The following SNX29 variants were observed in gnomAD, a reference collection of about 807,000 sequenced individuals.
SNX29 encodes the protein sorting nexin-29.
In SNX29, 78 loss-of-function variants were observed where a neutral mutation model predicts 102.1. That is an observed-to-expected ratio of 0.76 (90% confidence interval 0.64 to 0.92). SNX29 has a LOEUF of 0.92. SNX29 is among the 40% of genes least tolerant of loss of function. The pLI is 0.00. For missense variants in SNX29, 1,280 were observed against 1,061.7 expected, an observed-to-expected ratio of 1.21 and a Z score of -2.86; for synonymous variants, 580 against 414.5, an observed-to-expected ratio of 1.40 and a Z score of -4.85.
chr16:12,197,428 G>A (rs950862260), intron 13 of SNX29, among the ~76,000 whole-genome samples: 6 of 152,056 alleles, frequency 3.9e-5, no homozygotes, highest in Admixed American at 2.0e-4. Context: ...AAAATTAGCC[G>A]GTCATGGTGG....
chr16:12,537,152 T>C (rs902203533), intron 20 of SNX29, among the ~76,000 whole-genome samples: 1 of 152,176 alleles, frequency 6.6e-6, no homozygotes, highest in African/African-American at 2.4e-5. Context: ...GCTGGGACTC[T>C]GGGATCTTGT....
At chr16:12,234,066 C>T (rs1326977083) in intron 14 of SNX29, among the ~76,000 whole-genome samples, 1 of 152,180 alleles carries the variant, frequency 6.6e-6, no homozygotes, top group African/African-American at 2.4e-5. Flanking sequence ...TGAACATTCA[C>T]GTACAAGTTG....
intron 13 of SNX29, among the ~76,000 whole-genome samples, chr16:12,149,025 G>T (rs545203793): frequency 6.6e-6 from 1 of 152,134 alleles, no homozygotes; most frequent in African/African-American, 2.4e-5. Context: ...TTAGTTCACC[G>T]ATAGATCTAT....
At chr16:12,264,706 C>T (rs540303924) in intron 14 of SNX29, among the ~76,000 whole-genome samples, 10 of 151,212 alleles carry the variant, frequency 6.6e-5, no homozygotes, top group African/African-American at 1.9e-4. Flanking sequence ...CTCTTGAACC[C>T]GGGAGGCATA....
chr16:12,345,400 G>C (rs531613480), intron 15 of SNX29, among the ~76,000 whole-genome samples: 2 of 152,204 alleles, frequency 1.3e-5, no homozygotes, highest in East Asian at 3.9e-4. Context: ...TTCTGTGTGC[G>C]GTTGTGCAGG....
At chr16:12,281,011 G>A (rs2079413600) in intron 15 of SNX29, among the ~76,000 whole-genome samples, 1 of 152,156 alleles carries the variant, frequency 6.6e-6, no homozygotes, top group Admixed American at 6.5e-5. Flanking sequence ...CGGCTCAACG[G>A]ATCTTCCTAC....
chr16:12,238,134 C>G (rs1028810861), intron 14 of SNX29, among the ~76,000 whole-genome samples: 17 of 152,008 alleles, frequency 1.1e-4, no homozygotes, highest in African/African-American at 4.1e-4. Context: ...GCCTTTAGAC[C>G]TTTTAAAAAT....
In SNX29 at chr16:12,342,084, T is replaced by C. The variant is rs10518189; in HGVS notation, c.1783-14079T>C. The stretch of plus-strand genomic sequence containing the variant: ...TGGTCTTGTAATGCTGACTGTTGAA[T>C]AGAAAACAGAAGAAGATCACATTTG... On this transcript the variant is annotated intron_variant, in intron 15 of 20. Coordinates refer to ENST00000566228, the MANE Select transcript of SNX29 (RefSeq NM_032167.5). Among the ~76,000 whole-genome samples the C allele has an allele frequency of 9.6e-3, 1,467 of 152,214 alleles. 79 individuals are homozygous for C. The highest frequency in any genetic ancestry group is 0.085 in the Admixed American group (1,295 of 15,288).
intron 20 of SNX29, among the ~76,000 whole-genome samples, chr16:12,559,563 C>A (rs182565213): frequency 1.3e-5 from 2 of 152,092 alleles, no homozygotes; most frequent in Middle Eastern, 3.4e-3. Context: ...GAAAATTTTT[C>A]TTATACATAA....
intron 16 of SNX29, among the ~76,000 whole-genome samples, chr16:12,379,376 C>T (rs188562561): frequency 6.6e-6 from 1 of 152,306 alleles, no homozygotes; most frequent in African/African-American, 2.4e-5. Flanking sequence ...CCTGCCTTGG[C>T]CTCCTAAAAG....
At chr16:12,489,063 C>A (rs1293554260) in intron 19 of SNX29, among the ~76,000 whole-genome samples, 1 of 152,120 alleles carries the variant, frequency 6.6e-6, no homozygotes, top group South Asian at 2.1e-4. Flanking sequence ...AAGACTTAAC[C>A]CGTATTCTAT....
In SNX29 at chr16:12,527,639, G is replaced by C. The variant is rs115167791; in HGVS notation, c.2318+2798G>C. Among the ~76,000 whole-genome samples, 1,295 of 152,174 alleles carry C rather than the reference G, an allele frequency of 8.5e-3. 25 individuals are homozygous for C. Among genetic ancestry groups the C allele is most frequent in the African/African-American group, 0.03 (1,251 of 41,498 alleles). On this transcript the variant is annotated intron_variant, in intron 20 of 20. Coordinates refer to ENST00000566228, the MANE Select transcript of SNX29 (RefSeq NM_032167.5). Reference sequence around the variant, plus strand: ...GTGTTGAGGAAAGTGAGGCTCAAAGGGGCGAACTGGCTGGTCCCGGGGTCC... The same window carrying C: ...GTGTTGAGGAAAGTGAGGCTCAAAGCGGCGAACTGGCTGGTCCCGGGGTCC...
chr16:12,526,357 C>G (rs2076783212), intron 20 of SNX29, among the ~76,000 whole-genome samples: 2 of 152,118 alleles, frequency 1.3e-5, no homozygotes, highest in South Asian at 4.2e-4. Flanking sequence ...TGAGCAGCTG[C>G]CTGTCTTCCC....
intron 10 of SNX29, among the ~76,000 whole-genome samples, chr16:12,070,822 C>T (rs1343395376): frequency 2.6e-5 from 4 of 152,008 alleles, no homozygotes; most frequent in Non-Finnish European, 5.9e-5. Context: ...TATTTCTCCA[C>T]ATCCAGCACC....
At chr16:12,527,990 AT>A (rs59840717) in intron 20 of SNX29, among the ~76,000 whole-genome samples, 2 of 147,358 alleles carry the variant, frequency 1.4e-5, no homozygotes. Flanking sequence ...ATGCCTGGCT[AT>A]TTTTTTTTTA....
At chr16:12,303,913 T>TC (rs1341804234) in intron 15 of SNX29, among the ~76,000 whole-genome samples, 1 of 152,096 alleles carries the variant, frequency 6.6e-6, no homozygotes, top group Non-Finnish European at 1.5e-5. Flanking sequence ...TCCCTCCTAT[T>TC]CCCCCAGCTG....
intron 14 of SNX29, among the ~76,000 whole-genome samples, chr16:12,260,554 T>A (rs922977551): frequency 6.6e-6 from 1 of 152,206 alleles, no homozygotes; most frequent in South Asian, 2.1e-4. Context: ...GCTTCTCTTT[T>A]CTCTCATGTG....
chr16:12,562,563 G>A (rs150003748), intron 20 of SNX29, among the ~76,000 whole-genome samples: 17 of 152,264 alleles, frequency 1.1e-4, no homozygotes, highest in Admixed American at 2.0e-4. Context: ...CACTGTCCCC[G>A]TGGTCCCTAG....
At position 12,572,353 on chromosome 16, in the gene SNX29, C is replaced by T. The variant is rs888955622; in HGVS notation, c.*3724C>T. ...CCCACCAGCCTGCCTGGTTGATGGA[C>T]AGCAGGCTCTGCCTTCTGGAGGCGG... On this transcript the variant is annotated 3_prime_UTR_variant, in exon 21 of 21. Transcript: ENST00000566228. 5.6e-6 allele frequency: 6 copies of T among 1,062,030 alleles called. No individual in the cohort carries two copies. The African/African-American group carries it at 6.6e-5, about 12-fold the overall frequency. 65.8% of individuals were successfully genotyped at this position (1,062,030 alleles called of 1,614,324 possible). A position where few individuals can be genotyped will look rare whatever the true frequency, so the allele number is the denominator to read the frequency against.
Sources: allele counts gnomAD v4.1 joint callset (sites outside exome capture counted in the v4.1 genomes callset), GRCh38; gene constraint gnomAD v4.1.1; transcripts MANE v1.5; gene names NCBI Gene and HGNC (gene_info 2026-07-23, HGNC 2026-07-21).